Variants in LRRTM4 observed in about 807,000 individuals in gnomAD.
LRRTM4 encodes the protein leucine rich repeat transmembrane neuronal 4.
A neutral mutation model predicts 47.6 loss-of-function variants in LRRTM4; 25 were observed. The ratio of observed to expected loss-of-function variants is 0.53; its 90% CI spans 0.38 to 0.73. The LOEUF (loss-of-function observed/expected upper bound fraction) is 0.73. LRRTM4 is among the 30% of genes least tolerant of loss of function. LRRTM4 has a pLI of 0.00. For synonymous variants in LRRTM4, 311 were observed against 269.5 expected (o/e 1.15, Z -1.51); for missense variants, 638 against 713.4 (o/e 0.89, Z 1.20).
At chr2:77,283,106 T>A (rs1676552072) in intron 3 of LRRTM4, among the ~76,000 whole-genome samples, 1 of 152,046 alleles carries the variant, frequency 6.6e-6, no homozygotes. Flanking sequence ...ACCCAGATTC[T>A]ATAAGGAACT....
At chr2:76,758,090 T>C (rs1673122764) in intron 3 of LRRTM4, among the ~76,000 whole-genome samples, 1 of 152,140 alleles carries the variant, frequency 6.6e-6, no homozygotes, top group African/African-American at 2.4e-5. Context: ...TTTGGATCTA[T>C]ATAAAACCAT....
intron 3 of LRRTM4, among the ~76,000 whole-genome samples, chr2:77,004,003 A>G (rs547453846): frequency 2.3e-4 from 35 of 152,304 alleles, no homozygotes; most frequent in Middle Eastern, 6.8e-3. Flanking sequence ...CCACTGTCCT[A>G]AAGATCTGTG....
At chr2:77,292,030 G>T (rs1451236299) in intron 3 of LRRTM4, among the ~76,000 whole-genome samples, 1 of 151,926 alleles carries the variant, frequency 6.6e-6, no homozygotes, top group Non-Finnish European at 1.5e-5. Flanking sequence ...CAAAAAGTGG[G>T]CAAAGGACAT....
chr2:77,165,700 G>T (rs1672861245), intron 3 of LRRTM4, among the ~76,000 whole-genome samples: 2 of 152,214 alleles, frequency 1.3e-5, no homozygotes, highest in East Asian at 3.9e-4. Context: ...CAGAACCAAA[G>T]ACAAAAACCA....
intron 3 of LRRTM4, among the ~76,000 whole-genome samples, chr2:76,979,534 A>G (rs1676526639): frequency 1.1e-5 from 1 of 89,720 alleles, no homozygotes; most frequent in African/African-American, 8.2e-5. Context: ...TGCAAAACTG[A>G]ATTTCTGTAT....
At chr2:77,417,643 C>T (rs11904076) in intron 3 of LRRTM4, among the ~76,000 whole-genome samples, 20,274 of 151,784 alleles carry the variant, frequency 0.13, 2,029 homozygotes, top group African/African-American at 0.28. Flanking sequence ...AACCATCATT[C>T]TCAGCAAACT....
intron 3 of LRRTM4, among the ~76,000 whole-genome samples, chr2:76,764,388 T>G (rs995022111): frequency 3.3e-5 from 5 of 152,150 alleles, no homozygotes; most frequent in Non-Finnish European, 7.3e-5. Flanking sequence ...TCCCAGTACT[T>G]TGGAAGGCCA....
chr2:77,359,581 G>A (rs1672100380), intron 3 of LRRTM4, among the ~76,000 whole-genome samples: 1 of 152,116 alleles, frequency 6.6e-6, no homozygotes, highest in African/African-American at 2.4e-5. Context: ...ATATAGTGTT[G>A]TAAATTACAT....
At chr2:77,157,219 A>G (rs549956515) in intron 3 of LRRTM4, among the ~76,000 whole-genome samples, 1 of 152,300 alleles carries the variant, frequency 6.6e-6, no homozygotes, top group African/African-American at 2.4e-5. Flanking sequence ...TCACTGCTGC[A>G]TAACAAGATG....
At position 77,379,294 on chromosome 2, in the gene LRRTM4, C is replaced by A. The variant is rs76994718; in HGVS notation, c.1551+139024G>T. Among the ~76,000 whole-genome samples, 334 of 152,046 alleles carry A rather than the reference C, an allele frequency of 2.2e-3. 4 individuals are homozygous for A. In the East Asian group the frequency reaches 0.051, roughly 23 times the overall value. ...TTTCTTTATTAACGATTTTTTCCCC[C>A]GCTATCTTTTCACTGGTTTGAAAAT... On this transcript the variant is annotated intron_variant, in intron 3 of 3. Coordinates refer to ENST00000409884, the MANE Select transcript of LRRTM4 (RefSeq NM_001134745.3).
rs1486696483 is a variant in LRRTM4 at position 77,521,582 on chromosome 2, G to C, written c.4+86C>G. On this transcript the variant is annotated intron_variant, in intron 2 of 3. Coordinates refer to ENST00000409884, the MANE Select transcript of LRRTM4 (RefSeq NM_001134745.3). ...GCTGCTGCTCTTTGCCTGTTTCCCC[G>C]TCTTTTATCTGCTAATGCCACGACT... is the stretch of plus-strand genomic sequence containing the variant. 1.5e-5 allele frequency: 23 copies of C among 1,515,282 alleles called. No homozygotes were observed. The Admixed American group carries it at 4.0e-4, about 26-fold the overall frequency. 93.9% of individuals were successfully genotyped at this position (1,515,282 alleles called of 1,614,324 possible).
At chr2:77,210,180 C>T (rs929326906) in intron 3 of LRRTM4, among the ~76,000 whole-genome samples, 8 of 152,154 alleles carry the variant, frequency 5.3e-5, no homozygotes, top group African/African-American at 1.2e-4. Flanking sequence ...AGCAAAATAG[C>T]GTTAGCTTGT....
chr2:77,322,026 T>C (rs528423361), intron 3 of LRRTM4, among the ~76,000 whole-genome samples: 1 of 152,312 alleles, frequency 6.6e-6, no homozygotes, highest in Non-Finnish European at 1.5e-5. Context: ...AGGTTTTTAC[T>C]TTTTTCTTCT....
At chr2:77,370,995 G>A (rs1190418961) in intron 3 of LRRTM4, among the ~76,000 whole-genome samples, 2 of 151,612 alleles carry the variant, frequency 1.3e-5, no homozygotes, top group Non-Finnish European at 3.0e-5. Flanking sequence ...TAGTTGGTTG[G>A]GGAGGACCAC....
intron 3 of LRRTM4, among the ~76,000 whole-genome samples, chr2:77,240,072 T>G (rs1675215858): frequency 6.6e-6 from 1 of 151,564 alleles, no homozygotes; most frequent in Admixed American, 6.6e-5. Context: ...ATAATTGTAA[T>G]AACAAAAAGT....
At chr2:77,168,875 C>G (rs1265393940) in intron 3 of LRRTM4, among the ~76,000 whole-genome samples, 1 of 152,122 alleles carries the variant, frequency 6.6e-6, no homozygotes, top group Non-Finnish European at 1.5e-5. Flanking sequence ...AGATAATACT[C>G]CACCATAATC....
intron 3 of LRRTM4, among the ~76,000 whole-genome samples, chr2:77,461,913 T>G (rs1320921399): frequency 6.6e-6 from 1 of 152,110 alleles, no homozygotes; most frequent in Admixed American, 6.6e-5. Flanking sequence ...AAACTGGTTG[T>G]TTTGCTCTTT....
chr2:77,466,256 G>A (rs1676978803), intron 3 of LRRTM4, among the ~76,000 whole-genome samples: 2 of 152,198 alleles, frequency 1.3e-5, no homozygotes, highest in Admixed American at 1.3e-4. Flanking sequence ...CTCTGTTTCT[G>A]CAGAATTCTG....
chr2:76,788,728 A>C (rs1323002153), intron 3 of LRRTM4, among the ~76,000 whole-genome samples: 1 of 152,178 alleles, frequency 6.6e-6, no homozygotes, highest in African/African-American at 2.4e-5. Context: ...CTATTCTATC[A>C]ATGTGATTTC....
Sources: allele counts gnomAD v4.1 joint callset (sites outside exome capture counted in the v4.1 genomes callset), GRCh38; gene constraint gnomAD v4.1.1; transcripts MANE v1.5; gene names NCBI Gene and HGNC (gene_info 2026-07-23, HGNC 2026-07-21).